The following RTP5 variants were observed in gnomAD, a reference collection of about 807,000 sequenced individuals.
RTP5 encodes receptor-transporting protein 5.
RTP5 carries 30 observed loss-of-function variants against 23.5 expected under a neutral mutation model. The ratio of observed to expected loss-of-function variants is 1.27; its 90% CI spans 0.95 to 1.73. The LOEUF (loss-of-function observed/expected upper bound fraction) is 1.73, where lower values mean the gene tolerates loss of function less well. Among genes scored for constraint, RTP5 ranks in the 40% most tolerant of loss-of-function variants. The pLI, the probability that RTP5 is intolerant of heterozygous loss-of-function variation, is 0.00. For missense variants in RTP5, 807 were observed against 784.2 expected (o/e 1.03, Z -0.35); for synonymous variants, 354 against 342.1 (o/e 1.03, Z -0.38).
chr2:241,871,445 G>T (rs1189797058), intron 1 of RTP5, among the ~76,000 whole-genome samples: 1 of 152,254 alleles, frequency 6.6e-6, no homozygotes, highest in African/African-American at 2.4e-5. Context: ...GGGGCTGCGG[G>T]CTAGTGCGCA....
chr2:241,871,170 A>G (rs549360912), intron 1 of RTP5: 32 of 421,516 alleles, frequency 7.6e-5, no homozygotes, highest in African/African-American at 5.1e-4. Context: ...CTCAGCTGGC[A>G]GGCGACCTCC....
In RTP5 at chr2:241,872,757, G is replaced by T. The variant is rs1020791898; in HGVS notation, c.1202G>T (p.Gly401Val). The T allele has an allele frequency of 6.3e-7, 1 of 1,599,042 alleles. No individual in the cohort carries two copies. The highest frequency in any genetic ancestry group is 1.3e-5 in the African/African-American group (1 of 74,578). Residue 401 changes from glycine (G) to valine (V), a missense_variant, in exon 2 of 2, where the codon GGT becomes GTT. Gly to Val is a moderately radical substitution (Grantham distance 109). Transcript: ENST00000343216. ...EGGGQGLVPVGHDALPETNAG... is the reference protein window; with the variant it reads ...EGGGQGLVPVVHDALPETNAG... ...GGCGGCCAGGGCCTCGTCCCAGTGG[G>T]TCACGACGCCCTGCCAGAGACCAAT...
Position 241,872,761 on chromosome 2 carries a change from C to T in RTP5, c.1206C>T (p.His402=), listed in dbSNP as rs746244898. Residue 402 remains histidine (H), a synonymous_variant, in exon 2 of 2, where the codon CAC becomes CAT. Transcript: ENST00000343216. ...GCCAGGGCCTCGTCCCAGTGGGTCACGACGCCCTGCCAGAGACCAATGCTG... is the reference window on the plus strand; with the variant it reads ...GCCAGGGCCTCGTCCCAGTGGGTCATGACGCCCTGCCAGAGACCAATGCTG... The part of the protein sequence containing the change: ...GGGQGLVPVG[H]DALPETNAGG... The T allele has an allele frequency of 1.6e-5, 25 of 1,598,420 alleles. No individual in the cohort carries two copies. The highest frequency in any genetic ancestry group is 2.2e-5 in the South Asian group (2 of 89,846).
At chr2:241,870,029 A>C in intron 1 of RTP5, 115 bp downstream of exon 1, 2 of 871,738 alleles carry the variant, frequency 2.3e-6, no homozygotes, top group Non-Finnish European at 1.6e-6. Flanking sequence ...CTTGTCCCCG[A>C]GACGGGAGGG....
rs1259618420 is a variant in RTP5, at chr2:241,873,438, CGAGACCCCGCCCTGCCTCT to C, written c.*176_*194del. ...CCTCTGAGGCCCCGCCCCCCGCCTCCGAGACCCCGCCCTGCCTCTGAGACCCCGCCTCACCTCTGAGACA... is the reference window on the plus strand; with the variant it reads ...CCTCTGAGGCCCCGCCCCCCGCCTCCGAGACCCCGCCTCACCTCTGAGACA... On this transcript the variant is annotated 3_prime_UTR_variant, in exon 2 of 2. Coordinates refer to ENST00000343216, the MANE Select transcript of RTP5 (RefSeq NM_173821.3). The C allele has an allele frequency of 2.1e-3, 1,171 of 561,796 alleles. No individual in the cohort carries two copies. The highest frequency in any genetic ancestry group is 3.9e-3 in the African/African-American group (132 of 33,668). 34.8% of individuals were successfully genotyped at this position (561,796 alleles called of 1,614,324 possible).
At chr2:241,870,935 T>C in intron 1 of RTP5, 1 of 471,094 alleles carries the variant, frequency 2.1e-6, no homozygotes, top group Non-Finnish European at 4.4e-6. Flanking sequence ...TAGAACATTC[T>C]GTCATCCAGA....
rs1295514294 is a variant in RTP5 at position 241,872,132 on chromosome 2, G to A, written c.577G>A (p.Asp193Asn). The A allele has an allele frequency of 3.7e-6, 6 of 1,609,840 alleles. No homozygotes were observed. The highest frequency in any genetic ancestry group is 1.7e-4 in the Middle Eastern group (1 of 6,044). Residue 193 changes from aspartate (D) to asparagine (N), a missense_variant, in exon 2 of 2, where the codon GAC becomes AAC. Transcript: ENST00000343216. ...GGGCAAACCGCTGTCCACCCCTGGC[G>A]ACGACCTTGGCAAGGGTGGCGTTGT... Reference protein sequence around the residue: ...SRGKPLSTPGDDLGKGGVVIA... With the variant: ...SRGKPLSTPGNDLGKGGVVIA...
At chr2:241,870,937 T>C (rs761251289) in intron 1 of RTP5, 1 of 470,976 alleles carries the variant, frequency 2.1e-6, no homozygotes, top group Non-Finnish European at 4.4e-6. Context: ...GAACATTCTG[T>C]CATCCAGAAA....
intron 1 of RTP5, chr2:241,871,224 A>G: frequency 2.7e-6 from 1 of 372,320 alleles, no homozygotes; most frequent in Non-Finnish European, 5.4e-6. Context: ...CCACTTGCTG[A>G]GCCCCCAGGG....
chr2:241,870,291 CCGGCCCTGTGTTGCACACAGCGGGGTGCT>C (rs1239427351), intron 1 of RTP5, among the ~76,000 whole-genome samples: 6 of 152,238 alleles, frequency 3.9e-5, no homozygotes, highest in Non-Finnish European at 1.5e-5. Context: ...TGGTCACCAT[CCGGCCCTGTGTTGCACACAGCGGGGTGCT>C]CGGCCCTGAT....
At position 241,873,224 on chromosome 2, in the gene RTP5, C is replaced by G; in HGVS notation, c.1669C>G (p.Leu557Val). 1 of 1,603,972 alleles carries G rather than the reference C, an allele frequency of 6.2e-7. No individual in the cohort carries two copies. Among genetic ancestry groups the G allele is most frequent in the East Asian group, 2.2e-5 (1 of 44,796 alleles). Reference protein sequence around the residue: ...WVSMTVCVFWLMCMCRLNPGI... With the variant: ...WVSMTVCVFWVMCMCRLNPGI... ...GTCCATGACCGTGTGCGTCTTCTGG[C>G]TGATGTGCATGTGTCGGCTGAACCC... is the stretch of plus-strand genomic sequence containing the variant. Residue 557 changes from leucine to valine, a missense_variant, in exon 2 of 2, where the codon CTG (leucine) becomes GTG (valine). By Grantham distance (32) the Leu-to-Val change is conservative. Transcript: ENST00000343216.
chr2:241,871,352 C>T (rs1701312580), intron 1 of RTP5, among the ~76,000 whole-genome samples: 1 of 152,276 alleles, frequency 6.6e-6, no homozygotes, highest in Non-Finnish European at 1.5e-5. Flanking sequence ...GCTGCCGACG[C>T]CTCACGGAGG....
chr2:241,872,121 C>A lies in RTP5; in HGVS notation c.566C>A (p.Ser189Tyr), dbSNP rs1338294164. The A allele has an allele frequency of 1.9e-6, 3 of 1,606,986 alleles. No individual in the cohort carries two copies. Among genetic ancestry groups the A allele is most frequent in the Non-Finnish European group, 2.6e-6 (3 of 1,175,822 alleles). Residue 189 changes from serine to tyrosine, a missense_variant, in exon 2 of 2, where the codon TCC (serine) becomes TAC (tyrosine). Transcript: ENST00000343216. ...ACCGTCTCCAGGGGCAAACCGCTGT[C>A]CACCCCTGGCGACGACCTTGGCAAG... ...TGTVSRGKPL[S>Y]TPGDDLGKGG...
Position 241,872,321 on chromosome 2 carries a change from C to A in RTP5, c.766C>A (p.Pro256Thr). ...CCTGTCTGGGGATTCAGTGGCCATG[C>A]CTGGGGGCAAAGGCTTCCCGGTGGC... is the stretch of plus-strand genomic sequence containing the variant. ...IFLSGDSVAMPGGKGFPVAIG... is the reference protein window; with the variant it reads ...IFLSGDSVAMTGGKGFPVAIG... The change falls in exon 2 of 2, where the codon CCT becomes ACT. Residue 256 changes from proline (P) to threonine (T), a missense_variant. Physicochemically the swap from Pro to Thr is conservative, Grantham distance 38. Coordinates refer to ENST00000343216, the MANE Select transcript of RTP5 (RefSeq NM_173821.3). 1 of 1,606,704 alleles carries A rather than the reference C, an allele frequency of 6.2e-7. No homozygotes were observed.
rs1420957383 is a variant in RTP5, at chr2:241,872,692, T to C, written c.1137T>C (p.Asp379=). 10 of 1,602,352 alleles carry C rather than the reference T, an allele frequency of 6.2e-6. No individual in the cohort carries two copies. The highest frequency in any genetic ancestry group is 7.7e-6 in the Non-Finnish European group (9 of 1,174,452). ...CCTTCATCTTTACTGATGTCAAGGATGCCGTTGCTGAGGTGGCTGAAGGCA... is the reference window on the plus strand; with the variant it reads ...CCTTCATCTTTACTGATGTCAAGGACGCCGTTGCTGAGGTGGCTGAAGGCA... ...TFPFIFTDVK[D]AVAEVAEGNG... is the part of the protein sequence containing the mutation. The change falls in exon 2 of 2, where the codon GAT becomes GAC. Residue 379 remains aspartate (D), a synonymous_variant. Coordinates refer to ENST00000343216, the MANE Select transcript of RTP5 (RefSeq NM_173821.3).
rs754909811 is a variant in RTP5, at chr2:241,872,409, T to C, written c.854T>C (p.Leu285Pro). 6.2e-7 allele frequency: 1 copy of C among 1,612,202 alleles called. No individual in the cohort carries two copies. The highest frequency in any genetic ancestry group is 8.5e-7 in the Non-Finnish European group (1 of 1,179,790). ...GGCAGCAGCATCCAGACCTTCGAGC[T>C]CAAGGGCTTCCTCTTCAAAGGCCGG... is the stretch of plus-strand genomic sequence containing the variant. ...LLGSSIQTFE[L>P]KGFLFKGRGS... Residue 285 changes from leucine to proline, a missense_variant, in exon 2 of 2, where the codon CTC becomes CCC. Coordinates refer to ENST00000343216, the MANE Select transcript of RTP5 (RefSeq NM_173821.3).
Position 241,871,997 on chromosome 2 carries a change from G to A in RTP5, c.442G>A (p.Glu148Lys), listed in dbSNP as rs1447698598. ...CTATGAGGGCTGCTGTGAGGCCTGT[G>A]AGCTGGGGGTCTGCTTCCTCCAGAA... is the stretch of plus-strand genomic sequence containing the variant. ...EAYEGCCEAC[E>K]LGVCFLQKAP... Residue 148 changes from glutamate (E) to lysine (K), a missense_variant, in exon 2 of 2, where the codon GAG becomes AAG. Physicochemically the swap from Glu to Lys is moderately conservative, Grantham distance 56. Coordinates refer to ENST00000343216, the MANE Select transcript of RTP5 (RefSeq NM_173821.3). The A allele has an allele frequency of 6.3e-7, 1 of 1,583,134 alleles. No individual in the cohort carries two copies.
Position 241,872,251 on chromosome 2 carries a change from G to T in RTP5, c.696G>T (p.Val232=), listed in dbSNP as rs1338984688. ...CCCCTGCGGGGGCCTCTCTCCCTGTGACTGGCAGCTGTGAGGCCCTGGTCA... is the reference window on the plus strand; with the variant it reads ...CCCCTGCGGGGGCCTCTCTCCCTGTTACTGGCAGCTGTGAGGCCCTGGTCA... ...PAPPAGASLP[V]TGSCEALVIG... The change falls in exon 2 of 2, where the codon GTG becomes GTT. Residue 232 remains valine, a synonymous_variant. Coordinates refer to ENST00000343216, the MANE Select transcript of RTP5 (RefSeq NM_173821.3). 1 of 1,603,488 alleles carries T rather than the reference G, an allele frequency of 6.2e-7. No individual in the cohort carries two copies. Among genetic ancestry groups the T allele is most frequent in the Non-Finnish European group, 8.5e-7 (1 of 1,174,198 alleles).
At position 241,872,232 on chromosome 2, in the gene RTP5, CGGG is replaced by C; in HGVS notation, c.680_682del (p.Gly227del). ...ATCGCTGAGGGCCCTGCCCCCCCTG[CGGG>C]GGCCTCTCTCCCTGTGACTGGCAGC... is the stretch of plus-strand genomic sequence containing the variant. On this transcript the variant is annotated inframe_deletion, in exon 2 of 2. Coordinates refer to ENST00000343216, the MANE Select transcript of RTP5 (RefSeq NM_173821.3). The C allele has an allele frequency of 6.2e-7, 1 of 1,607,636 alleles. No individual in the cohort carries two copies. Among genetic ancestry groups the C allele is most frequent in the Non-Finnish European group, 8.5e-7 (1 of 1,176,396 alleles).
Sources: allele counts gnomAD v4.1 joint callset (sites outside exome capture counted in the v4.1 genomes callset), GRCh38; gene constraint gnomAD v4.1.1; transcripts MANE v1.5; gene names NCBI Gene and HGNC (gene_info 2026-07-23, HGNC 2026-07-21).